Variants in HLCS observed in about 807,000 individuals in gnomAD.
The protein encoded by HLCS is holocarboxylase synthetase.
A neutral mutation model predicts 75.0 loss-of-function variants in HLCS; 53 were observed. The ratio of observed to expected loss-of-function variants is 0.71; its 90% confidence interval spans 0.57 to 0.89. The LOEUF (loss-of-function observed/expected upper bound fraction) is 0.89. Among genes scored for constraint, HLCS ranks in the 40% least tolerant of loss-of-function variants. The pLI, the probability that HLCS is intolerant of heterozygous loss-of-function variation, is 0.00. For synonymous variants in HLCS, 431 were observed against 428.6 expected (o/e 1.01, Z -0.07); for missense variants, 966 against 1,074.0 (o/e 0.90, Z 1.41).
At chr21:36,887,677 G>A (rs2064530296) in intron 6 of HLCS, among the ~76,000 whole-genome samples, 1 of 152,198 alleles carries the variant, frequency 6.6e-6, no homozygotes, top group African/African-American at 2.4e-5. Context: ...ACATTAAAAT[G>A]AAGGTTTCTT....
chr21:36,834,011 G>A (rs150860153), intron 6 of HLCS, among the ~76,000 whole-genome samples: 1 of 152,300 alleles, frequency 6.6e-6, no homozygotes, highest in African/African-American at 2.4e-5. Flanking sequence ...CCAACCAAAC[G>A]CAGACTGAAA....
intron 6 of HLCS, among the ~76,000 whole-genome samples, chr21:36,871,312 T>G (rs1209164275): frequency 6.6e-6 from 1 of 152,194 alleles, no homozygotes; most frequent in East Asian, 1.9e-4. Flanking sequence ...CCCCAATACC[T>G]AAAGAAGTAA....
chr21:36,943,764 A>AGCTGTGATCATGCCAACT (rs2067255798), intron 2 of HLCS: 1 of 152,020 alleles, frequency 6.6e-6, no homozygotes, highest in African/African-American at 2.4e-5. Flanking sequence ...GGCTGCAGTG[A>AGCTGTGATCATGCCAACT]GCTGTGATCA....
rs1388618211 is a variant in HLCS at position 36,752,596 on chromosome 21, T to C, written c.*1650A>G. 6.5e-6 allele frequency: 1 copy of C among 152,672 alleles called. No individual in the cohort carries two copies. The highest frequency in any genetic ancestry group is 2.4e-5 in the African/African-American group (1 of 41,468). The allele number at this position is 152,672 out of a possible 1,614,324, so 9.5% of individuals were successfully genotyped here. A position where few individuals can be genotyped will look rare whatever the true frequency, so the allele number is the denominator to read the frequency against. ...GTATTTTACTTAAGTTTCTAACTAA[T>C]TTTGAAAGAAGGCTTGGGCATTTGG... On this transcript the variant is annotated 3_prime_UTR_variant, in exon 11 of 11. Transcript: ENST00000674895.
rs750651355 is a variant in HLCS at position 36,842,804 on chromosome 21, G to A, written c.1892+54056C>T. Among the ~76,000 whole-genome samples the A allele has an allele frequency of 3.9e-5, 6 of 152,078 alleles. No homozygotes were observed. Among genetic ancestry groups the A allele is most frequent in the African/African-American group, 1.2e-4 (5 of 41,412 alleles). The stretch of plus-strand genomic sequence containing the variant: ...TATTGATAAAACAATTCAAGGCCAC[G>A]AATCCAGGGTAGCCCACACCACCCT... On this transcript the variant is annotated intron_variant, in intron 6 of 10. Coordinates refer to ENST00000674895, the MANE Select transcript of HLCS (RefSeq NM_001352514.2). This position sits in a 1 kb window ranked among gnomAD's most constrained non-coding sequence, Gnocchi z 4.2.
intron 6 of HLCS, among the ~76,000 whole-genome samples, chr21:36,857,927 C>A (rs986397067): frequency 6.6e-6 from 1 of 151,856 alleles, no homozygotes; most frequent in African/African-American, 2.4e-5. Context: ...GTAGCTGGGA[C>A]TACAGACGTG....
intron 5 of HLCS, among the ~76,000 whole-genome samples, chr21:36,927,607 C>T (rs775625949): frequency 3.3e-5 from 5 of 152,054 alleles, no homozygotes; most frequent in Admixed American, 6.5e-5. Flanking sequence ...ACACAGTAAA[C>T]GTTGAATGAA....
intron 2 of HLCS, chr21:36,947,610 T>C (rs570014234): frequency 2.9e-5 from 29 of 984,802 alleles, no homozygotes; most frequent in African/African-American, 5.3e-5. Flanking sequence ...AACAAAGGAG[T>C]TTCCTCCTAT....
At chr21:36,899,921 T>C (rs1023996985) in intron 5 of HLCS, among the ~76,000 whole-genome samples, 2 of 152,018 alleles carry the variant, frequency 1.3e-5, no homozygotes, top group African/African-American at 2.4e-5. Context: ...CTGGCCAACA[T>C]GACAAAACTC....
intron 2 of HLCS, among the ~76,000 whole-genome samples, chr21:36,952,564 C>T (rs60570221): frequency 0.021 from 3,120 of 152,048 alleles, 114 homozygotes; most frequent in African/African-American, 0.067. Flanking sequence ...GAGGCCAAGG[C>T]GGGCAGATCA....
chr21:36,982,305 C>G (rs2069137874), intron 1 of HLCS, among the ~76,000 whole-genome samples: 2 of 152,168 alleles, frequency 1.3e-5, no homozygotes, highest in African/African-American at 2.4e-5. Flanking sequence ...TAATATTGTT[C>G]TGAACATCCA....
intron 4 of HLCS, among the ~76,000 whole-genome samples, chr21:36,931,748 AAAG>A (rs1191350033): frequency 6.7e-6 from 1 of 149,554 alleles, no homozygotes; most frequent in African/African-American, 2.6e-5. Flanking sequence ...GACCATTTAA[AAAG>A]AAAAAAAAAA....
chr21:36,833,614 T>TATA (rs1569076054), intron 6 of HLCS, among the ~76,000 whole-genome samples: 1 of 146,516 alleles, frequency 6.8e-6, no homozygotes, highest in Non-Finnish European at 1.5e-5. Flanking sequence ...TATATATATA[T>TATA]TTGATTTGGA....
chr21:36,897,434 C>A (rs1483542483), intron 5 of HLCS, among the ~76,000 whole-genome samples: 1 of 152,160 alleles, frequency 6.6e-6, no homozygotes, highest in Admixed American at 6.5e-5. Context: ...CCCCTCCAGT[C>A]CAGAGTTCAT....
intron 6 of HLCS, among the ~76,000 whole-genome samples, chr21:36,805,192 G>T (rs1022978830): frequency 2.3e-4 from 35 of 152,254 alleles, no homozygotes; most frequent in Admixed American, 2.0e-3. Context: ...AAGATGTCCA[G>T]CTTGGGAAAT....
chr21:36,938,693 A>G, intron 3 of HLCS, 139 bp downstream of exon 3: 4 of 806,726 alleles, frequency 5.0e-6, no homozygotes, highest in Non-Finnish European at 8.2e-6. Context: ...TTTTTTGGAG[A>G]TAGGGGTCTA....
intron 6 of HLCS, among the ~76,000 whole-genome samples, chr21:36,844,296 T>A (rs56252975): frequency 0.018 from 2,760 of 151,954 alleles, 48 homozygotes; most frequent in South Asian, 0.069. Context: ...TCGTCAATTG[T>A]AATAAATGTA....
chr21:36,787,592 A>C (rs1417597560), intron 6 of HLCS, among the ~76,000 whole-genome samples: 2 of 152,104 alleles, frequency 1.3e-5, no homozygotes, highest in African/African-American at 2.4e-5. Flanking sequence ...TCTTTTCATC[A>C]TCAAATGGAC....
rs564034154 is a variant in HLCS, at chr21:36,985,680, C to A, written c.-393+4478G>T. ...ACTCAGGAGGCTGAGGCAGGAGAAT[C>A]GCTTGGACCTGGGAGGTGGAGGTTG... On this transcript the variant is annotated intron_variant, in intron 1 of 11. Coordinates refer to the HLCS transcript ENST00000336648. 7.2e-5 allele frequency among the ~76,000 whole-genome samples: 11 copies of A among 151,962 alleles called. No individual in the cohort carries two copies. In the South Asian group the frequency reaches 2.3e-3, roughly 32 times the overall value.
Sources: allele counts gnomAD v4.1 joint callset (sites outside exome capture counted in the v4.1 genomes callset), GRCh38; gene constraint gnomAD v4.1.1; non-coding constraint Gnocchi (gnomAD v3.1); transcripts MANE v1.5; gene names NCBI Gene and HGNC (gene_info 2026-07-23, HGNC 2026-07-21).